Variants in NPAS3 observed in about 807,000 individuals in gnomAD.
NPAS3 encodes the protein neuronal PAS domain-containing protein 3.
Under a neutral mutation model 73.1 loss-of-function variants are expected in NPAS3, and 14 were observed. The ratio of observed to expected loss-of-function variants is 0.19; its 90% CI spans 0.13 to 0.30. The LOEUF (loss-of-function observed/expected upper bound fraction) is 0.30. Ranked by LOEUF, NPAS3 falls within the 10% of genes least tolerant of loss-of-function variation. The pLI, the probability that NPAS3 is intolerant of heterozygous loss-of-function variation, is 1.00. For synonymous variants in NPAS3, 620 were observed against 541.5 expected, an observed-to-expected ratio of 1.14 and a Z score of -2.01; for missense variants, 1,096 against 1,250.0, an observed-to-expected ratio of 0.88 and a Z score of 1.86.
chr14:33,114,896 C>A (rs975945375), intron 2 of NPAS3, among the ~76,000 whole-genome samples: 2 of 152,088 alleles, frequency 1.3e-5, no homozygotes, highest in Non-Finnish European at 2.9e-5. Context: ...TTAAAAGATG[C>A]AAAAATGTAT....
Position 33,572,791 on chromosome 14 carries a change from G to A in NPAS3, c.558+12581G>A, listed in dbSNP as rs549635223. Among the ~76,000 whole-genome samples, 20 of 152,226 alleles carry A rather than the reference G, an allele frequency of 1.3e-4. No homozygotes were observed. The East Asian group carries it at 2.5e-3, about 19-fold the overall frequency. ...TGTAATCCCTGCACTTTGGGAGGCC[G>A]AGGTGGGCGGATCATGAGGTCAAGA... On this transcript the variant is annotated intron_variant, in intron 5 of 11. Coordinates refer to ENST00000356141, the Ensembl canonical transcript of NPAS3.
chr14:33,501,029 T>C (rs1054193998), intron 4 of NPAS3, among the ~76,000 whole-genome samples: 2 of 152,018 alleles, frequency 1.3e-5, no homozygotes, highest in African/African-American at 4.8e-5. Flanking sequence ...ATGTTGTCTT[T>C]CTCTTTGATT....
chr14:33,541,553 C>T (rs751980603), intron 4 of NPAS3, among the ~76,000 whole-genome samples: 22 of 152,158 alleles, frequency 1.4e-4, no homozygotes, highest in Non-Finnish European at 2.9e-4. Flanking sequence ...ACGCATAGAA[C>T]ATGTGATTGG....
chr14:33,184,316 G>A (rs1332834930), intron 2 of NPAS3, among the ~76,000 whole-genome samples: 1 of 152,136 alleles, frequency 6.6e-6, no homozygotes, highest in East Asian at 1.9e-4. Context: ...AGCAGGAGAG[G>A]CCCTGGAGAG....
At chr14:33,329,654 G>C (rs995728701) in intron 3 of NPAS3, among the ~76,000 whole-genome samples, 1 of 152,064 alleles carries the variant, frequency 6.6e-6, no homozygotes, top group African/African-American at 2.4e-5. Context: ...GGCACGATGG[G>C]GTAGGCAGGG....
At chr14:33,222,913 G>A (rs1451141891) in intron 3 of NPAS3, among the ~76,000 whole-genome samples, 1 of 152,180 alleles carries the variant, frequency 6.6e-6, no homozygotes, top group Non-Finnish European at 1.5e-5. Context: ...AATTATGCAG[G>A]ACATGGAGTA....
intron 3 of NPAS3, among the ~76,000 whole-genome samples, chr14:33,338,306 AT>A (rs2044319448): frequency 6.6e-6 from 1 of 152,162 alleles, no homozygotes; most frequent in Non-Finnish European, 1.5e-5. Flanking sequence ...TGTGTTAACA[AT>A]TATAAAAACA....
At chr14:33,460,187 A>G (rs1009142934) in intron 4 of NPAS3, among the ~76,000 whole-genome samples, 1 of 152,180 alleles carries the variant, frequency 6.6e-6, no homozygotes, top group Non-Finnish European at 1.5e-5. Flanking sequence ...AATGAAAAAA[A>G]GATTGTTTTA....
intron 3 of NPAS3, among the ~76,000 whole-genome samples, chr14:33,303,097 A>T (rs1269999870): frequency 2.0e-5 from 3 of 151,948 alleles, no homozygotes; most frequent in Non-Finnish European, 4.4e-5. Context: ...TTTATATATA[A>T]CTAATACAAA....
At chr14:33,665,047 C>A (rs553012060) in intron 5 of NPAS3, among the ~76,000 whole-genome samples, 10 of 152,340 alleles carry the variant, frequency 6.6e-5, no homozygotes, top group African/African-American at 2.2e-4. Flanking sequence ...GCTATAAAGA[C>A]ACATGCGCAC....
chr14:33,485,566 A>C (rs2051545053), intron 4 of NPAS3, among the ~76,000 whole-genome samples: 1 of 152,158 alleles, frequency 6.6e-6, no homozygotes, highest in South Asian at 2.1e-4. Flanking sequence ...CATAGAGAAG[A>C]ATTTCATTTC....
At chr14:33,241,784 C>A (rs2048221580) in intron 3 of NPAS3, among the ~76,000 whole-genome samples, 1 of 151,902 alleles carries the variant, frequency 6.6e-6, no homozygotes, top group Non-Finnish European at 1.5e-5. Context: ...ATGACTAAGG[C>A]AGTAGAAATA....
At chr14:33,444,285 A>G (rs975769521) in intron 4 of NPAS3, among the ~76,000 whole-genome samples, 1 of 152,154 alleles carries the variant, frequency 6.6e-6, no homozygotes, top group African/African-American at 2.4e-5. Flanking sequence ...TACCTCCTCC[A>G]TGTTCCTTCC....
chr14:33,207,267 G>GCACA (rs34164980), intron 2 of NPAS3, among the ~76,000 whole-genome samples: 8 of 16,926 alleles, frequency 4.7e-4, no homozygotes, highest in African/African-American at 8.5e-4. Flanking sequence ...ACACACACAC[G>GCACA]CACACACACA....
intron 4 of NPAS3, among the ~76,000 whole-genome samples, chr14:33,376,479 A>T (rs1314144778): frequency 6.6e-6 from 1 of 152,176 alleles, no homozygotes; most frequent in Non-Finnish European, 1.5e-5. Context: ...TACTAATGCC[A>T]GTATATTCAG....
intron 2 of NPAS3, among the ~76,000 whole-genome samples, chr14:33,207,022 C>T (rs2046845000): frequency 6.6e-6 from 1 of 152,138 alleles, no homozygotes; most frequent in African/African-American, 2.4e-5. Flanking sequence ...AGCCTTTATC[C>T]CATGTCGGGC....
intron 3 of NPAS3, among the ~76,000 whole-genome samples, chr14:33,269,717 CT>C (rs1287907690): frequency 1.3e-5 from 2 of 152,072 alleles, no homozygotes; most frequent in Admixed American, 1.3e-4. Context: ...AAAACAATGG[CT>C]GCCAATGCCA....
At chr14:32,947,598 C>T (rs1200030969) in intron 1 of NPAS3, among the ~76,000 whole-genome samples, 1 of 151,878 alleles carries the variant, frequency 6.6e-6, no homozygotes, top group East Asian at 1.9e-4. Flanking sequence ...CATATATATA[C>T]ACTGTTTACA....
intron 4 of NPAS3, among the ~76,000 whole-genome samples, chr14:33,433,378 G>T (rs1283353114): frequency 1.3e-5 from 2 of 152,144 alleles, no homozygotes; most frequent in Admixed American, 6.5e-5. Context: ...TAAAGCAAAC[G>T]CAGTCTTTGA....
Sources: allele counts gnomAD v4.1 joint callset (sites outside exome capture counted in the v4.1 genomes callset), GRCh38; gene constraint gnomAD v4.1.1; transcripts MANE v1.5; gene names NCBI Gene and HGNC (gene_info 2026-07-23, HGNC 2026-07-21).